Variants in KCNIP4 observed in about 807,000 individuals in gnomAD.
KCNIP4 encodes potassium voltage-gated channel interacting protein 4.
Under a neutral mutation model 34.0 loss-of-function variants are expected in KCNIP4, and 12 were observed. The ratio of observed to expected loss-of-function variants is 0.35; its 90% CI spans 0.23 to 0.57. The LOEUF is 0.57. Ranked by LOEUF, KCNIP4 falls within the 20% of genes least tolerant of loss-of-function variation. The probability of loss-of-function intolerance (pLI) is 0.83; values close to 1 mark genes in which losing one functional copy is unlikely to be tolerated. For missense variants in KCNIP4, 238 were observed against 311.7 expected (o/e 0.76, Z 1.78); for synonymous variants, 124 against 102.2 (o/e 1.21, Z -1.29).
At chr4:21,095,048 G>T (rs1227911152) in intron 1 of KCNIP4, among the ~76,000 whole-genome samples, 4 of 152,182 alleles carry the variant, frequency 2.6e-5, no homozygotes, top group Non-Finnish European at 5.9e-5. Flanking sequence ...TTCAGAAACT[G>T]ATTGGATGTG....
chr4:20,960,250 A>T (rs967174753), intron 1 of KCNIP4, among the ~76,000 whole-genome samples: 7 of 152,160 alleles, frequency 4.6e-5, no homozygotes, highest in Non-Finnish European at 8.8e-5. Context: ...AGTATTTTAT[A>T]GGGAGTCAAA....
At chr4:21,310,082 T>C (rs1712979577) in intron 1 of KCNIP4, among the ~76,000 whole-genome samples, 1 of 152,162 alleles carries the variant, frequency 6.6e-6, no homozygotes, top group South Asian at 2.1e-4. Context: ...TAGGATGGAA[T>C]GCAGTGGCCC....
At chr4:21,748,278 T>C (rs1166814214) in intron 1 of KCNIP4, among the ~76,000 whole-genome samples, 1 of 152,186 alleles carries the variant, frequency 6.6e-6, no homozygotes, top group Non-Finnish European at 1.5e-5. Flanking sequence ...ATTGGCTCCA[T>C]GCTACAACTT....
chr4:20,935,943 C>T (rs895558674), intron 1 of KCNIP4, among the ~76,000 whole-genome samples: 2 of 152,182 alleles, frequency 1.3e-5, no homozygotes, highest in African/African-American at 4.8e-5. Flanking sequence ...AGTGTTTAGG[C>T]ACTTTGTGAA....
chr4:21,099,170 CAT>C (rs980304491), intron 1 of KCNIP4, among the ~76,000 whole-genome samples: 4 of 152,100 alleles, frequency 2.6e-5, no homozygotes, highest in Admixed American at 2.6e-4. Flanking sequence ...CATGCACACA[CAT>C]GTTAATTGCA....
chr4:21,504,116 C>A (rs1435487762), intron 1 of KCNIP4, among the ~76,000 whole-genome samples: 1 of 152,030 alleles, frequency 6.6e-6, no homozygotes, highest in African/African-American at 2.4e-5. Context: ...TTTAATCCAC[C>A]CATCATCATA....
At chr4:21,835,162 A>G (rs896164874) in intron 1 of KCNIP4, among the ~76,000 whole-genome samples, 1 of 152,144 alleles carries the variant, frequency 6.6e-6, no homozygotes, top group Non-Finnish European at 1.5e-5. Context: ...GGGTGAGATT[A>G]TTTTTAAAAA....
chr4:21,935,642 T>C (rs189094473), intron 1 of KCNIP4, among the ~76,000 whole-genome samples: 29 of 152,116 alleles, frequency 1.9e-4, no homozygotes, highest in African/African-American at 6.7e-4. Flanking sequence ...AGAGAGCAAA[T>C]GTCACTTCCT....
intron 1 of KCNIP4, among the ~76,000 whole-genome samples, chr4:21,770,839 A>G (rs986186018): frequency 3.9e-5 from 6 of 152,120 alleles, no homozygotes; most frequent in African/African-American, 1.4e-4. Context: ...AATTCTGGAT[A>G]TTAGCCCTTT....
chr4:21,769,390 T>G (rs1718629376), intron 1 of KCNIP4, among the ~76,000 whole-genome samples: 1 of 152,150 alleles, frequency 6.6e-6, no homozygotes, highest in Non-Finnish European at 1.5e-5. Context: ...CAAATACTTT[T>G]GCTGGTCATA....
chr4:20,748,740 A>C (rs1752976953), intron 5 of KCNIP4, among the ~76,000 whole-genome samples: 1 of 150,130 alleles, frequency 6.7e-6, no homozygotes, highest in Non-Finnish European at 1.5e-5. Flanking sequence ...CATTTCTCAC[A>C]TATTTTCCCT....
intron 1 of KCNIP4, among the ~76,000 whole-genome samples, chr4:21,514,068 A>C (rs1665825257): frequency 6.6e-6 from 1 of 152,210 alleles, no homozygotes; most frequent in Admixed American, 6.5e-5. Flanking sequence ...CCTTGAGAAA[A>C]GTGAAGGTAT....
intron 1 of KCNIP4, among the ~76,000 whole-genome samples, chr4:21,052,068 G>A (rs1051227500): frequency 6.6e-6 from 1 of 152,074 alleles, no homozygotes; most frequent in Non-Finnish European, 1.5e-5. Context: ...TTCCATTTCT[G>A]CAATATTGTT....
At chr4:21,143,060 C>T (rs73107462) in intron 1 of KCNIP4, among the ~76,000 whole-genome samples, 40,184 of 151,986 alleles carry the variant, frequency 0.26, 5,973 homozygotes, top group African/African-American at 0.39. Context: ...GTGCAGAATC[C>T]TCAAGATAGC....
At chr4:20,855,063 C>T (rs1397327775) in intron 2 of KCNIP4, among the ~76,000 whole-genome samples, 1 of 152,156 alleles carries the variant, frequency 6.6e-6, no homozygotes, top group Non-Finnish European at 1.5e-5. Flanking sequence ...CGTAACCCAA[C>T]TGACCCCAAA....
At chr4:21,475,125 C>T (rs1315561322) in intron 1 of KCNIP4, among the ~76,000 whole-genome samples, 1 of 151,976 alleles carries the variant, frequency 6.6e-6, no homozygotes, top group East Asian at 1.9e-4. Context: ...ATACTCTCTC[C>T]TAACATATTT....
At chr4:21,418,093 A>G (rs571951879) in intron 1 of KCNIP4, among the ~76,000 whole-genome samples, 24 of 152,260 alleles carry the variant, frequency 1.6e-4, no homozygotes, top group Non-Finnish European at 2.9e-4. Context: ...CTGTAGCCAG[A>G]TAACTTAAGT....
intron 1 of KCNIP4, among the ~76,000 whole-genome samples, chr4:20,905,522 T>TTTTTTTTTG (rs768668990): frequency 1.3e-4 from 15 of 111,246 alleles, no homozygotes; most frequent in East Asian, 1.2e-3. Context: ...TTTTTTTTTT[T>TTTTTTTTTG]TTTGTTTGAG....
At chr4:21,611,758 AG>A (rs10712534) in intron 1 of KCNIP4, among the ~76,000 whole-genome samples, 100,947 of 151,730 alleles carry the variant, frequency 0.67, 34,332 homozygotes, top group East Asian at 0.87. Context: ...CATTTTTTGG[AG>A]GGGTGGGGGA....
Sources: allele counts gnomAD v4.1 joint callset (sites outside exome capture counted in the v4.1 genomes callset), GRCh38; gene constraint gnomAD v4.1.1; transcripts MANE v1.5; gene names NCBI Gene and HGNC (gene_info 2026-07-23, HGNC 2026-07-21).